Variants in CAPS2 observed in about 807,000 individuals in gnomAD.
CAPS2 encodes the protein calcyphosin-2.
A neutral mutation model predicts 86.5 loss-of-function variants in CAPS2; 98 were observed. That is an observed-to-expected ratio of 1.13 (90% CI 0.96 to 1.34). CAPS2 has a LOEUF of 1.34. Ranked by LOEUF, CAPS2 falls within the 40% of genes most tolerant of loss-of-function variation. The probability of loss-of-function intolerance (pLI) is 0.00; values close to 1 mark genes in which losing one functional copy is unlikely to be tolerated. For missense variants in CAPS2, 729 were observed against 686.8 expected (o/e 1.06, Z -0.69); for synonymous variants, 210 against 225.1 (o/e 0.93, Z 0.60).
At chr12:75,283,435 G>C (rs563375501) in intron 15 of CAPS2, among the ~76,000 whole-genome samples, 3 of 152,254 alleles carry the variant, frequency 2.0e-5, no homozygotes, top group African/African-American at 7.2e-5. Context: ...TGTATTTGAA[G>C]GTAGGACCTT....
At chr12:75,345,878 CT>C (rs1430002160) in intron 1 of CAPS2, among the ~76,000 whole-genome samples, 1 of 152,162 alleles carries the variant, frequency 6.6e-6, no homozygotes, top group Non-Finnish European at 1.5e-5. Flanking sequence ...CTTCGTATTA[CT>C]AAATCAGAAA....
intron 1 of CAPS2, among the ~76,000 whole-genome samples, chr12:75,338,476 TTGGTAAAAC>T (rs2041881482): frequency 6.6e-6 from 1 of 152,184 alleles, no homozygotes; most frequent in African/African-American, 2.4e-5. Flanking sequence ...TGAAAACCAT[TTGGTAAAAC>T]TCTGCATCAA....
intron 1 of CAPS2, among the ~76,000 whole-genome samples, chr12:75,387,623 AG>A (rs1410688912): frequency 1.3e-5 from 2 of 152,234 alleles, no homozygotes; most frequent in African/African-American, 4.8e-5. Context: ...ATGGAGGCTG[AG>A]AATTTCAAAG....
chr12:75,374,126 C>A (rs1056506879), intron 1 of CAPS2, among the ~76,000 whole-genome samples: 2 of 152,154 alleles, frequency 1.3e-5, no homozygotes, highest in Non-Finnish European at 2.9e-5. Context: ...TATGGGAGCC[C>A]GCCAAAGGCT....
intron 1 of CAPS2, among the ~76,000 whole-genome samples, chr12:75,387,489 T>C (rs11180480): frequency 0.2 from 30,954 of 152,112 alleles, 3,620 homozygotes; most frequent in African/African-American, 0.3. Context: ...CTTTGGAACA[T>C]AGTTTAGCAG....
At chr12:75,315,988 C>T (rs574275422) in intron 6 of CAPS2, among the ~76,000 whole-genome samples, 1 of 152,200 alleles carries the variant, frequency 6.6e-6, no homozygotes, top group African/African-American at 2.4e-5. Context: ...GAGCTCATTA[C>T]TTCAAAAAAA....
At chr12:75,301,841 G>A (rs547155815) in intron 8 of CAPS2, among the ~76,000 whole-genome samples, 6 of 152,300 alleles carry the variant, frequency 3.9e-5, no homozygotes, top group African/African-American at 1.4e-4. Flanking sequence ...AAAGTGCCAT[G>A]TTGGGTTTTA....
upstream of CAPS2, among the ~76,000 whole-genome samples, chr12:75,326,759 C>A (rs952500949): frequency 2.0e-5 from 3 of 152,136 alleles, no homozygotes; most frequent in African/African-American, 7.2e-5. Context: ...AAATATACCA[C>A]CTTACATGGC....
intron 7 of CAPS2, chr12:75,306,004 C>T: frequency 2.1e-6 from 3 of 1,461,524 alleles, no homozygotes; most frequent in Non-Finnish European, 1.9e-6. Flanking sequence ...GCCTCCTGCT[C>T]ATGATCCTGA....
intron 1 of CAPS2, among the ~76,000 whole-genome samples, chr12:75,380,579 A>T (rs921232760): frequency 6.6e-6 from 1 of 152,246 alleles, no homozygotes; most frequent in African/African-American, 2.4e-5. Context: ...TTTATTAAGC[A>T]TGCATAATAT....
chr12:75,344,966 T>C (rs1239455660), intron 1 of CAPS2, among the ~76,000 whole-genome samples: 1 of 152,174 alleles, frequency 6.6e-6, no homozygotes, highest in African/African-American at 2.4e-5. Context: ...TCTGGCTTTG[T>C]GTAAACCGTG....
intron 1 of CAPS2, chr12:75,369,526 G>A (rs975493341): frequency 4.1e-6 from 4 of 980,476 alleles, no homozygotes; most frequent in Non-Finnish European, 4.8e-6. Context: ...AAACTGGGGA[G>A]GAAAGTTTGA....
chr12:75,374,866 A>G (rs1314506568), intron 1 of CAPS2, among the ~76,000 whole-genome samples: 1 of 152,198 alleles, frequency 6.6e-6, no homozygotes, highest in African/African-American at 2.4e-5. Flanking sequence ...CACACATGGT[A>G]CAGCAGCTGC....
upstream of CAPS2, among the ~76,000 whole-genome samples, chr12:75,329,113 T>C (rs2041059151): frequency 6.6e-6 from 1 of 152,218 alleles, no homozygotes. Context: ...AATTCACACG[T>C]GGGTTTCAGA....
Position 75,287,225 on chromosome 12 carries a change from ATCTC to A in CAPS2, c.1396-2149_1396-2146del, listed in dbSNP as rs748050998. On this transcript the variant is annotated intron_variant, in intron 14 of 16. Coordinates refer to ENST00000393284, the Ensembl canonical transcript of CAPS2. ...GGCACTTCAGGCCTTAGAAAATGGA[ATCTC>A]TCTCTCTCTCTCTCTGACCTTCTCC... Among the ~76,000 whole-genome samples the A allele has an allele frequency of 8.1e-5, 12 of 147,716 alleles. 1 individual carries two copies. Among genetic ancestry groups the A allele is most frequent in the East Asian group, 2.0e-4 (1 of 5,064 alleles).
At chr12:75,289,943 A>C (rs2138245751) in intron 13 of CAPS2, among the ~76,000 whole-genome samples, 168 bp from the exon 14 acceptor site, 1 of 152,328 alleles carries the variant, frequency 6.6e-6, no homozygotes, top group East Asian at 1.9e-4. Context: ...GGATGTTTTT[A>C]ATCAAGAGGA....
exon 12 of CAPS2, chr12:75,293,287 T>A (rs2036320139): frequency 6.2e-7 from 1 of 1,611,844 alleles, no homozygotes; most frequent in Non-Finnish European, 8.5e-7. Flanking sequence ...TATTTGTGAT[T>A]CGGAGTTTAA....
At chr12:75,305,014 A>C in intron 7 of CAPS2, 138 bp from the exon 8 acceptor site, 1 of 567,630 alleles carries the variant, frequency 1.8e-6, no homozygotes. Flanking sequence ...TATTAAATAA[A>C]TTTATTAAAA....
upstream of CAPS2, chr12:75,334,857 A>T: frequency 6.2e-7 from 1 of 1,614,158 alleles, no homozygotes; most frequent in Non-Finnish European, 8.5e-7. Flanking sequence ...CCCACAACGA[A>T]TGGCGTGGCA....
Sources: allele counts gnomAD v4.1 joint callset (sites outside exome capture counted in the v4.1 genomes callset), GRCh38; gene constraint gnomAD v4.1.1; transcripts MANE v1.5; gene names NCBI Gene and HGNC (gene_info 2026-07-23, HGNC 2026-07-21).